The following DLGAP2 variants were observed in gnomAD, a reference collection of about 807,000 sequenced individuals.
DLGAP2 encodes disks large-associated protein 2.
In DLGAP2, 26 loss-of-function variants were observed where a neutral mutation model predicts 100.3. The ratio of observed to expected loss-of-function variants is 0.26; its 90% confidence interval spans 0.19 to 0.36. DLGAP2 has a LOEUF of 0.36. Ranked by LOEUF, DLGAP2 falls within the 10% of genes least tolerant of loss-of-function variation. The probability of loss-of-function intolerance (pLI) is 1.00; values close to 1 mark genes in which losing one functional copy is unlikely to be tolerated. For missense variants in DLGAP2, 1,858 were observed against 1,453.2 expected, an observed-to-expected ratio of 1.28 and a Z score of -4.53; for synonymous variants, 886 against 630.1, an observed-to-expected ratio of 1.41 and a Z score of -6.08.
At chr8:1,348,026 C>T (rs1383207890) in intron 3 of DLGAP2, among the ~76,000 whole-genome samples, 4 of 151,670 alleles carry the variant, frequency 2.6e-5, no homozygotes, top group Non-Finnish European at 4.4e-5. Context: ...CTCATGGTAG[C>T]TGTGTGGAGG....
intron 2 of DLGAP2, among the ~76,000 whole-genome samples, chr8:970,329 T>A (rs563958908): frequency 1.2e-4 from 18 of 152,330 alleles, no homozygotes; most frequent in African/African-American, 3.8e-4. Flanking sequence ...TGTTATATAT[T>A]TTATTTTTAA....
intron 6 of DLGAP2, among the ~76,000 whole-genome samples, chr8:1,600,057 G>C (rs941849946): frequency 4.6e-5 from 7 of 152,142 alleles, no homozygotes; most frequent in African/African-American, 1.7e-4. Flanking sequence ...GCTCTTGTAA[G>C]GCAGGCCTGG....
At chr8:1,006,912 G>T (rs1207989481) in intron 2 of DLGAP2, among the ~76,000 whole-genome samples, 2 of 113,740 alleles carry the variant, frequency 1.8e-5, no homozygotes, top group South Asian at 3.3e-4. Flanking sequence ...CACGTCGGGG[G>T]CGCCCTGCGT....
chr8:968,619 G>A (rs1799939459), intron 2 of DLGAP2, among the ~76,000 whole-genome samples: 1 of 152,196 alleles, frequency 6.6e-6, no homozygotes, highest in South Asian at 2.1e-4. Context: ...CAGTTGGGAG[G>A]GCTGGGCAGA....
At chr8:903,161 A>C (rs1798298126) in intron 1 of DLGAP2, among the ~76,000 whole-genome samples, 1 of 151,994 alleles carries the variant, frequency 6.6e-6, no homozygotes, top group African/African-American at 2.4e-5. Context: ...AATCTCGTTA[A>C]TGTCAGGACG....
chr8:952,639 AAAAATAAAAAT>A (rs1487941788), intron 2 of DLGAP2, among the ~76,000 whole-genome samples: 1 of 152,206 alleles, frequency 6.6e-6, no homozygotes, highest in East Asian at 1.9e-4. Context: ...ATGATCTCAA[AAAAATAAAAAT>A]AAAATAAAAA....
At chr8:1,139,104 A>C (rs1308999060) in intron 2 of DLGAP2, among the ~76,000 whole-genome samples, 1 of 152,174 alleles carries the variant, frequency 6.6e-6, no homozygotes, top group Non-Finnish European at 1.5e-5. Flanking sequence ...TCGGGTGATG[A>C]CTGTTTCCTG....
At chr8:1,483,339 C>T (rs996311568) in intron 3 of DLGAP2, among the ~76,000 whole-genome samples, 1 of 152,160 alleles carries the variant, frequency 6.6e-6, no homozygotes, top group Non-Finnish European at 1.5e-5. Flanking sequence ...CTGGGCTGGA[C>T]GTGCGTGAGG....
At chr8:1,491,461 A>G (rs568422852) in intron 3 of DLGAP2, among the ~76,000 whole-genome samples, 11 of 137,478 alleles carry the variant, frequency 8.0e-5, no homozygotes, top group African/African-American at 2.9e-4. Context: ...ACGAGGAGCA[A>G]TAGCCTGAGA....
intron 3 of DLGAP2, among the ~76,000 whole-genome samples, chr8:1,345,495 G>C (rs781694716): frequency 6.6e-6 from 1 of 152,202 alleles, no homozygotes; most frequent in Non-Finnish European, 1.5e-5. Context: ...AATAGTTTTT[G>C]ATATTACTTG....
chr8:1,699,195 G>A (rs993783340), intron 14 of DLGAP2, among the ~76,000 whole-genome samples: 14 of 152,190 alleles, frequency 9.2e-5, no homozygotes, highest in Non-Finnish European at 1.5e-4. Context: ...CCCAAGCTGC[G>A]CATAGAGTAT....
intron 2 of DLGAP2, among the ~76,000 whole-genome samples, chr8:1,184,506 G>A (rs377548330): frequency 1.1e-4 from 17 of 152,234 alleles, no homozygotes; most frequent in African/African-American, 2.4e-4. Flanking sequence ...CGGGGTGCAC[G>A]CGCTGTTCTC....
At chr8:1,509,253 C>T (rs1387426397) in intron 4 of DLGAP2, among the ~76,000 whole-genome samples, 1 of 151,514 alleles carries the variant, frequency 6.6e-6, no homozygotes, top group Non-Finnish European at 1.5e-5. Flanking sequence ...ATTGCTTGAA[C>T]CCCGGAGGCA....
At chr8:1,217,814 G>A (rs903540345) in intron 2 of DLGAP2, among the ~76,000 whole-genome samples, 1 of 151,974 alleles carries the variant, frequency 6.6e-6, no homozygotes, top group African/African-American at 2.4e-5. Flanking sequence ...GGTGTGAGAG[G>A]GTATCTCATT....
In DLGAP2 at chr8:1,480,369, C is replaced by T. The variant is rs189975100; in HGVS notation, c.107-20997C>T. On this transcript the variant is annotated intron_variant, in intron 3 of 14. Transcript: ENST00000637795. ...TCTCAGTGCTGACTCTGTCTTTCTTCCTAATACTCAGGGTCATGTTTCACT... is the reference window on the plus strand; with the variant it reads ...TCTCAGTGCTGACTCTGTCTTTCTTTCTAATACTCAGGGTCATGTTTCACT... 2.6e-5 allele frequency among the ~76,000 whole-genome samples: 4 copies of T among 152,260 alleles called. No homozygotes were observed. In the East Asian group the frequency reaches 7.7e-4, roughly 29 times the overall value.
chr8:1,287,345 TAGG>T (rs1487924667), intron 3 of DLGAP2, among the ~76,000 whole-genome samples: 3 of 132,024 alleles, frequency 2.3e-5, no homozygotes, highest in African/African-American at 9.0e-5. Context: ...GTGGTTCTGT[TAGG>T]AGGGGAACTA....
intron 2 of DLGAP2, among the ~76,000 whole-genome samples, chr8:1,222,642 G>C (rs117250416): frequency 8.1e-4 from 123 of 152,008 alleles, no homozygotes; most frequent in Middle Eastern, 6.8e-3. Context: ...TGTACACGGT[G>C]GGGGGAGGCT....
intron 2 of DLGAP2, among the ~76,000 whole-genome samples, chr8:927,949 C>T (rs893224947): frequency 3.3e-5 from 5 of 152,202 alleles, no homozygotes; most frequent in Non-Finnish European, 7.3e-5. Flanking sequence ...CATCAGATGC[C>T]ATGGGACACA....
intron 1 of DLGAP2, among the ~76,000 whole-genome samples, chr8:778,990 G>C (rs374023349): frequency 6.6e-6 from 1 of 152,244 alleles, no homozygotes; most frequent in African/African-American, 2.4e-5. Flanking sequence ...AGCAATCAGC[G>C]AGACTCCGTG....
Sources: gnomAD v4.1 joint callset for allele counts (sites outside exome capture counted in the v4.1 genomes callset) on GRCh38, gnomAD v4.1.1 for gene constraint, MANE v1.5 for transcripts, NCBI Gene and HGNC (gene_info 2026-07-23, HGNC 2026-07-21) for gene names.